The following CCDC60 variants were observed in gnomAD, a reference collection of about 807,000 sequenced individuals.
CCDC60 encodes coiled-coil domain-containing protein 60.
A neutral mutation model predicts 63.5 loss-of-function variants in CCDC60; 54 were observed. The observed-to-expected ratio is 0.85, with a 90% confidence interval of 0.68 to 1.07. CCDC60 has a LOEUF of 1.07. Ranked by LOEUF, CCDC60 falls within the 50% of genes least tolerant of loss-of-function variation. The probability of loss-of-function intolerance (pLI) is 0.00; values close to 1 mark genes in which losing one functional copy is unlikely to be tolerated. For missense variants in CCDC60, 651 were observed against 684.3 expected (o/e 0.95, Z 0.54); for synonymous variants, 206 against 238.8 (o/e 0.86, Z 1.27).
chr12:119,426,862 A>G lies in CCDC60; in HGVS notation c.91-1821A>G, dbSNP rs11834016. Among the ~76,000 whole-genome samples, 1,374 of 152,324 alleles carry G rather than the reference A, an allele frequency of 9.0e-3. 23 individuals carry two copies. Among genetic ancestry groups the G allele is most frequent in the African/African-American group, 0.031 (1,287 of 41,562 alleles). On this transcript the variant is annotated intron_variant, in intron 1 of 13. Transcript: ENST00000327554. ...CCTCCCACCCAACTCTTCCACAAGCATCATTCAACTTTGAAACAACAATGC... is the reference window on the plus strand; with the variant it reads ...CCTCCCACCCAACTCTTCCACAAGCGTCATTCAACTTTGAAACAACAATGC...
chr12:119,459,250 C>T (rs1460305764), intron 2 of CCDC60, among the ~76,000 whole-genome samples: 1 of 152,096 alleles, frequency 6.6e-6, no homozygotes, highest in East Asian at 1.9e-4. Flanking sequence ...CATGAATTAC[C>T]CGAGGATCCT....
intron 1 of CCDC60, among the ~76,000 whole-genome samples, chr12:119,395,264 G>C (rs574702331): frequency 2.0e-5 from 3 of 152,308 alleles, no homozygotes; most frequent in African/African-American, 7.2e-5. Context: ...ATGTGTATTA[G>C]TGCATTATTG....
chr12:119,490,344 A>C (rs1951555018), intron 5 of CCDC60, among the ~76,000 whole-genome samples: 1 of 152,176 alleles, frequency 6.6e-6, no homozygotes, highest in South Asian at 2.1e-4. Context: ...TTTAAGCAGC[A>C]GACCTCATTT....
At chr12:119,350,536 C>T (rs1955645997) in intron 1 of CCDC60, among the ~76,000 whole-genome samples, 1 of 151,962 alleles carries the variant, frequency 6.6e-6, no homozygotes, top group Non-Finnish European at 1.5e-5. Context: ...CCCAGCCTCT[C>T]CTTTGCTTTC....
chr12:119,446,912 G>A (rs1039828396), intron 2 of CCDC60, among the ~76,000 whole-genome samples: 6 of 152,180 alleles, frequency 3.9e-5, no homozygotes, highest in Non-Finnish European at 5.9e-5. Context: ...ATGATTACAG[G>A]CAAGGACCTG....
Position 119,479,170 on chromosome 12 carries a change from A to G in CCDC60, c.418A>G (p.Ile140Val). Residue 140 changes from isoleucine to valine, a missense_variant, in exon 4 of 14, where the codon ATC becomes GTC. Ile to Val is a conservative substitution (Grantham distance 29). Coordinates refer to ENST00000327554, the MANE Select transcript of CCDC60 (RefSeq NM_178499.5). ...CCCATTCACTCCCATCCACAGCTGCATCATTTCTCCCTCGCTAACCGAGGC... is the reference window on the plus strand; with the variant it reads ...CCCATTCACTCCCATCCACAGCTGCGTCATTTCTCCCTCGCTAACCGAGGC... Reference protein sequence around the residue: ...RRPFTPIHSCIISPSLTEAHV... With the variant: ...RRPFTPIHSCVISPSLTEAHV... 6.2e-7 allele frequency: 1 copy of G among 1,614,026 alleles called. No homozygotes were observed. The highest frequency in any genetic ancestry group is 8.5e-7 in the Non-Finnish European group (1 of 1,179,918).
chr12:119,452,771 C>T lies in CCDC60; in HGVS notation c.171-19223C>T, dbSNP rs1950657090. Among the ~76,000 whole-genome samples the T allele has an allele frequency of 2.0e-5, 3 of 152,020 alleles. No individual in the cohort carries two copies. In the South Asian group the frequency reaches 6.2e-4, roughly 32 times the overall value. ...GAGTGGTTCATGAATCTGTCTAAAT[C>T]CCACAGCAATTTTTTGGTAGAGTTA... On this transcript the variant is annotated intron_variant, in intron 2 of 13. Coordinates refer to ENST00000327554, the MANE Select transcript of CCDC60 (RefSeq NM_178499.5).
At chr12:119,384,206 AGAG>A (rs1160996714) in intron 1 of CCDC60, among the ~76,000 whole-genome samples, 4 of 150,796 alleles carry the variant, frequency 2.7e-5, no homozygotes, top group African/African-American at 9.8e-5. Context: ...AAAAAAAAAA[AGAG>A]AGAGAGAGAG....
At chr12:119,428,662 A>T in intron 1 of CCDC60, 21 bp from the exon 2 acceptor site, 1 of 1,519,426 alleles carries the variant, frequency 6.6e-7, no homozygotes, top group Non-Finnish European at 9.1e-7. Flanking sequence ...CTTTTATTTT[A>T]ACCCCTTGTC....
chr12:119,446,322 T>C (rs1223781970), intron 2 of CCDC60, among the ~76,000 whole-genome samples: 2 of 152,198 alleles, frequency 1.3e-5, no homozygotes, highest in African/African-American at 4.8e-5. Flanking sequence ...CCTGAAGGTC[T>C]ACTATTACAC....
chr12:119,489,516 G>C (rs1343324742), intron 5 of CCDC60, among the ~76,000 whole-genome samples: 3 of 152,176 alleles, frequency 2.0e-5, no homozygotes, highest in African/African-American at 7.2e-5. Flanking sequence ...AGAGGAGAGA[G>C]CTCACATAAA....
chr12:119,401,772 C>T (rs1159414934), intron 1 of CCDC60, among the ~76,000 whole-genome samples: 3 of 152,270 alleles, frequency 2.0e-5, no homozygotes, highest in Middle Eastern at 3.4e-3. Context: ...TCAAAGTGCA[C>T]AGTACATTGT....
chr12:119,359,932 T>A (rs1254728532), intron 1 of CCDC60, among the ~76,000 whole-genome samples: 5 of 152,110 alleles, frequency 3.3e-5, no homozygotes, highest in East Asian at 2.0e-4. Flanking sequence ...CATGTCTACT[T>A]CTTTCTACAC....
rs1258536769 is a variant in CCDC60, at chr12:119,418,413, T to C, written c.91-10270T>C. Among the ~76,000 whole-genome samples, 85 of 39,420 alleles carry C rather than the reference T, an allele frequency of 2.2e-3. 6 individuals carry two copies. The highest frequency in any genetic ancestry group is 4.2e-3 in the African/African-American group (31 of 7,452). The allele number at this position is 39,420 out of a possible 152,430, so 25.9% of individuals were successfully genotyped here. On this transcript the variant is annotated intron_variant, in intron 1 of 13. Transcript: ENST00000327554. Reference sequence around the variant, plus strand: ...TTTTTTTTTTTTTTTTTTTTTTTTTTTTTTTTTTTTTTTTTTTTTGAGATG... The same window carrying C: ...TTTTTTTTTTTTTTTTTTTTTTTTTCTTTTTTTTTTTTTTTTTTTGAGATG...
chr12:119,369,000 T>C (rs1194113728), intron 1 of CCDC60, among the ~76,000 whole-genome samples: 4 of 152,136 alleles, frequency 2.6e-5, no homozygotes, highest in Non-Finnish European at 4.4e-5. Context: ...ATGCCTATTC[T>C]CTTTGGTGAC....
intron 1 of CCDC60, among the ~76,000 whole-genome samples, chr12:119,360,734 G>A (rs1955778630): frequency 6.6e-6 from 1 of 151,976 alleles, no homozygotes; most frequent in East Asian, 2.0e-4. Flanking sequence ...CAGATGGGAT[G>A]GCAGCCGGGC....
chr12:119,505,070 C>A lies in CCDC60; in HGVS notation c.650C>A (p.Thr217Asn), dbSNP rs779050813. The change falls in exon 7 of 14, where the codon ACC (threonine) becomes AAC (asparagine). Residue 217 changes from threonine to asparagine, a missense_variant and splice_region_variant. Transcript: ENST00000327554. ...CTCTCTTTCTTCTCTTTCCTTTAGA[C>A]CAAGAAATTCAAAATTCCCACAATG... ...KWEHFITAPK[T>N]KKFKIPTMRV... The A allele has an allele frequency of 6.3e-7, 1 of 1,597,326 alleles. No homozygotes were observed. The highest frequency in any genetic ancestry group is 1.7e-5 in the Admixed American group (1 of 58,986).
At chr12:119,444,596 A>T (rs746288273) in intron 2 of CCDC60, among the ~76,000 whole-genome samples, 2 of 152,106 alleles carry the variant, frequency 1.3e-5, no homozygotes, top group African/African-American at 4.8e-5. Context: ...TTGTTATCCC[A>T]CAGAAAGTTG....
intron 1 of CCDC60, among the ~76,000 whole-genome samples, chr12:119,351,417 A>G (rs1955655626): frequency 6.6e-6 from 1 of 152,168 alleles, no homozygotes; most frequent in South Asian, 2.1e-4. Flanking sequence ...GGTAACCTAT[A>G]CAGACAAGAG....
Sources: allele counts gnomAD v4.1 joint callset (sites outside exome capture counted in the v4.1 genomes callset), GRCh38; gene constraint gnomAD v4.1.1; transcripts MANE v1.5; gene names NCBI Gene and HGNC (gene_info 2026-07-23, HGNC 2026-07-21).